The following PKNOX2 variants were observed in gnomAD, a reference collection of about 807,000 sequenced individuals.
PKNOX2 encodes the protein PBX/knotted 1 homeobox 2.
In PKNOX2, 14 loss-of-function variants were observed where a neutral mutation model predicts 53.1. The ratio of observed to expected loss-of-function variants is 0.26; its 90% CI spans 0.17 to 0.41. PKNOX2 has a LOEUF of 0.41. Among genes scored for constraint, PKNOX2 ranks in the 10% least tolerant of loss-of-function variants. PKNOX2 has a pLI of 1.00. For synonymous variants in PKNOX2, 257 were observed against 242.8 expected (o/e 1.06, Z -0.54); for missense variants, 496 against 602.8 (o/e 0.82, Z 1.85).
intron 2 of PKNOX2, among the ~76,000 whole-genome samples, chr11:125,270,117 C>G (rs1238000864): frequency 2.0e-5 from 3 of 152,218 alleles, no homozygotes; most frequent in Non-Finnish European, 2.9e-5. Context: ...CCATTGCCCC[C>G]TCAGGTTTTA....
At chr11:125,297,910 C>T (rs1947767798) in intron 2 of PKNOX2, among the ~76,000 whole-genome samples, 1 of 152,218 alleles carries the variant, frequency 6.6e-6, no homozygotes, top group South Asian at 2.1e-4. Flanking sequence ...CCATAACTCC[C>T]TGCAAACCAT....
intron 7 of PKNOX2, among the ~76,000 whole-genome samples, chr11:125,401,084 G>A (rs1954718907): frequency 6.6e-6 from 1 of 152,048 alleles, no homozygotes; most frequent in African/African-American, 2.4e-5. Context: ...AGTTGGGTGG[G>A]GGGCAGGGGC....
chr11:125,410,589 C>T, intron 8 of PKNOX2, 190 bp from the exon 9 acceptor site: 1 of 649,354 alleles, frequency 1.5e-6, no homozygotes, highest in African/African-American at 1.8e-5. Context: ...GCACCTCCCA[C>T]CAGAGGCTCT....
At chr11:125,198,394 C>T (rs1938004947) in intron 1 of PKNOX2, among the ~76,000 whole-genome samples, 1 of 152,220 alleles carries the variant, frequency 6.6e-6, no homozygotes, top group African/African-American at 2.4e-5. Flanking sequence ...TCAGTTTCAG[C>T]CGCGGATCCC....
At chr11:125,242,776 G>A (rs1412233462) in intron 2 of PKNOX2, among the ~76,000 whole-genome samples, 3 of 151,904 alleles carry the variant, frequency 2.0e-5, no homozygotes, top group African/African-American at 4.8e-5. Flanking sequence ...GTTCTTTGTC[G>A]GGGCACGTCT....
intron 1 of PKNOX2, 103 bp from the exon 2 acceptor site, chr11:125,234,942 T>C (rs1008899368): frequency 1.3e-5 from 2 of 152,718 alleles, no homozygotes; most frequent in African/African-American, 4.8e-5. Flanking sequence ...CCTGGCCTTT[T>C]TCCTGAGCCA....
At chr11:125,405,064 G>A (rs1436410842) in intron 7 of PKNOX2, among the ~76,000 whole-genome samples, 1 of 152,212 alleles carries the variant, frequency 6.6e-6, no homozygotes, top group Non-Finnish European at 1.5e-5. Context: ...TGGCCGGGGG[G>A]AGGATGGCAG....
At chr11:125,217,008 A>AAC (rs10571639) in intron 1 of PKNOX2, among the ~76,000 whole-genome samples, 5,071 of 147,170 alleles carry the variant, frequency 0.034, 168 homozygotes, top group African/African-American at 0.096. Context: ...ATCCCCTCAA[A>AAC]ACACACACAC....
chr11:125,428,315 G>A (rs965933000), intron 10 of PKNOX2, among the ~76,000 whole-genome samples: 2 of 152,088 alleles, frequency 1.3e-5, no homozygotes, highest in African/African-American at 2.4e-5. Flanking sequence ...GACCCAAATC[G>A]GAAGACCTGA....
intron 3 of PKNOX2, among the ~76,000 whole-genome samples, chr11:125,347,644 G>A (rs1447089594): frequency 6.6e-6 from 1 of 152,090 alleles, no homozygotes. Context: ...TGCATCCACT[G>A]ATCCTGCCTC....
chr11:125,320,574 T>G (rs1036680918), intron 2 of PKNOX2, among the ~76,000 whole-genome samples: 3 of 152,092 alleles, frequency 2.0e-5, no homozygotes, highest in Admixed American at 1.3e-4. Context: ...GCCTGCAACC[T>G]CCATTGGCTG....
In PKNOX2 at chr11:125,432,997, T is replaced by C. The variant is rs985281524; in HGVS notation, c.*1605T>C. On this transcript the variant is annotated 3_prime_UTR_variant, in exon 13 of 13. Transcript: ENST00000298282. ...TATTTCTCCCCCAAAAGAGCTGATA[T>C]TTAATGTTTTAATAAGGATTTTTGA... 1 of 152,640 alleles carries C rather than the reference T, an allele frequency of 6.6e-6. No individual in the cohort carries two copies. Among genetic ancestry groups the C allele is most frequent in the Non-Finnish European group, 1.5e-5 (1 of 68,044 alleles). The allele number at this position is 152,640 out of a possible 1,614,324, so 9.5% of individuals were successfully genotyped here.
chr11:125,420,228 T>TAAA (rs34911472), intron 10 of PKNOX2, among the ~76,000 whole-genome samples: 10,995 of 145,514 alleles, frequency 0.076, 487 homozygotes, highest in African/African-American at 0.092. Context: ...GTTTTTTATT[T>TAAA]AAAAAAAAAA....
chr11:125,389,999 G>A (rs1435406664), intron 6 of PKNOX2, among the ~76,000 whole-genome samples: 3 of 152,102 alleles, frequency 2.0e-5, no homozygotes, highest in Non-Finnish European at 2.9e-5. Context: ...CAGAGCTCTG[G>A]GCCCAGAGGC....
intron 9 of PKNOX2, 162 bp from the exon 10 acceptor site, chr11:125,411,584 A>T: frequency 9.8e-7 from 1 of 1,016,028 alleles, no homozygotes; most frequent in Non-Finnish European, 1.5e-6. Context: ...CCACTCTCTG[A>T]GGGGCTGGCA....
At chr11:125,333,548 A>C (rs1242692240) in intron 3 of PKNOX2, among the ~76,000 whole-genome samples, 1 of 142,520 alleles carries the variant, frequency 7.0e-6, no homozygotes, top group East Asian at 2.0e-4. Flanking sequence ...ACACACACAC[A>C]TACACACACA....
intron 1 of PKNOX2, among the ~76,000 whole-genome samples, chr11:125,223,694 T>A (rs2135514622): frequency 6.6e-6 from 1 of 152,354 alleles, no homozygotes; most frequent in East Asian, 1.9e-4. Flanking sequence ...GCATGTACTT[T>A]GACTTCCAGA....
intron 1 of PKNOX2, among the ~76,000 whole-genome samples, chr11:125,201,638 A>C (rs749225868): frequency 2.6e-5 from 4 of 152,206 alleles, no homozygotes; most frequent in Non-Finnish European, 5.9e-5. Context: ...CACTGGAAGC[A>C]GGAAGTGTGC....
chr11:125,197,312 T>C (rs941172373), intron 1 of PKNOX2, among the ~76,000 whole-genome samples: 8 of 152,168 alleles, frequency 5.3e-5, no homozygotes, highest in Non-Finnish European at 1.2e-4. Flanking sequence ...TGCCCAGGCT[T>C]AGGGGGTGGC....
Sources: gnomAD v4.1 joint callset for allele counts (sites outside exome capture counted in the v4.1 genomes callset) on GRCh38, gnomAD v4.1.1 for gene constraint, MANE v1.5 for transcripts, NCBI Gene and HGNC (gene_info 2026-07-23, HGNC 2026-07-21) for gene names.